ERBB4: variants seen among roughly 807,000 people sequenced by gnomAD.
The protein encoded by ERBB4 is receptor tyrosine-protein kinase erbB-4.
A neutral mutation model predicts 158.0 loss-of-function variants in ERBB4; 42 were observed. The ratio of observed to expected loss-of-function variants is 0.27; its 90% CI spans 0.21 to 0.34. ERBB4 has a LOEUF of 0.34. Ranked by LOEUF, ERBB4 falls within the 10% of genes least tolerant of loss-of-function variation. ERBB4 has a pLI of 1.00. For synonymous variants in ERBB4, 583 were observed against 558.7 expected (o/e 1.04, Z -0.61); for missense variants, 1,333 against 1,624.1 (o/e 0.82, Z 3.08).
At chr2:211,456,365 T>A (rs2064381255) in intron 20 of ERBB4, among the ~76,000 whole-genome samples, 1 of 152,152 alleles carries the variant, frequency 6.6e-6, no homozygotes, top group African/African-American at 2.4e-5. Flanking sequence ...TGGCACAGTA[T>A]CATGCAAACT....
chr2:211,782,722 A>C (rs972366659), intron 4 of ERBB4, among the ~76,000 whole-genome samples: 25 of 152,088 alleles, frequency 1.6e-4, no homozygotes, highest in Admixed American at 1.4e-3. Flanking sequence ...GTTCTGTTCC[A>C]TTGGTCTATA....
intron 20 of ERBB4, among the ~76,000 whole-genome samples, chr2:211,543,887 C>G (rs1179618969): frequency 3.3e-5 from 5 of 151,748 alleles, no homozygotes; most frequent in Admixed American, 6.6e-5. Flanking sequence ...TCTACTACCT[C>G]TATCTCAATG....
chr2:212,440,305 C>A lies in ERBB4; in HGVS notation c.82+98144G>T, dbSNP rs2092226481. 5.3e-5 allele frequency among the ~76,000 whole-genome samples: 8 copies of A among 152,128 alleles called. No homozygotes were observed. The South Asian group carries it at 1.7e-3, about 31-fold the overall frequency. The stretch of plus-strand genomic sequence containing the variant: ...CAGCTGCCAGCAAATACAAAGCAGG[C>A]AGAAAAATGTGAAAAGGAGAGACTG... On this transcript the variant is annotated intron_variant, in intron 1 of 27. Transcript: ENST00000342788.
intron 3 of ERBB4, among the ~76,000 whole-genome samples, chr2:211,885,226 A>T (rs2078766800): frequency 6.6e-6 from 1 of 152,202 alleles, no homozygotes; most frequent in Non-Finnish European, 1.5e-5. Flanking sequence ...TGACAAGTGT[A>T]TAAAAAATGA....
At chr2:212,455,834 A>G (rs1688263370) in intron 1 of ERBB4, among the ~76,000 whole-genome samples, 1 of 152,186 alleles carries the variant, frequency 6.6e-6, no homozygotes. Context: ...TGTTAAAAGT[A>G]TAACATTTAT....
At chr2:212,104,587 G>C (rs769566476) in intron 2 of ERBB4, among the ~76,000 whole-genome samples, 17 of 151,986 alleles carry the variant, frequency 1.1e-4, no homozygotes, top group Non-Finnish European at 2.4e-4. Flanking sequence ...TCATTTTACA[G>C]TAAAGAAACT....
At chr2:211,608,458 G>T (rs1360734442) in intron 19 of ERBB4, among the ~76,000 whole-genome samples, 2 of 152,120 alleles carry the variant, frequency 1.3e-5, no homozygotes. Context: ...GCTTTGCAAT[G>T]AGAACAATGA....
chr2:211,802,228 C>T (rs757367190), intron 3 of ERBB4, among the ~76,000 whole-genome samples: 2 of 150,836 alleles, frequency 1.3e-5, no homozygotes, highest in Non-Finnish European at 2.9e-5. Flanking sequence ...CGCTGCAGTA[C>T]GGCCTGGGCG....
At chr2:211,510,394 C>G (rs1184137906) in intron 20 of ERBB4, among the ~76,000 whole-genome samples, 3 of 152,004 alleles carry the variant, frequency 2.0e-5, no homozygotes, top group Non-Finnish European at 2.9e-5. Flanking sequence ...GATGGTTAAA[C>G]TAGAAGCCCA....
At chr2:212,391,162 A>C (rs1261395422) in intron 1 of ERBB4, among the ~76,000 whole-genome samples, 2 of 151,820 alleles carry the variant, frequency 1.3e-5, no homozygotes, top group Non-Finnish European at 3.0e-5. Context: ...AATAGAAAAC[A>C]GATGTCCTAA....
At chr2:211,579,764 C>G (rs149707896) in intron 19 of ERBB4, among the ~76,000 whole-genome samples, 1 of 150,780 alleles carries the variant, frequency 6.6e-6, no homozygotes, top group Non-Finnish European at 1.5e-5. Flanking sequence ...CACATAGACA[C>G]AGGGAGAGGA....
chr2:211,816,377 C>T (rs1383272833), intron 3 of ERBB4, among the ~76,000 whole-genome samples: 1 of 151,346 alleles, frequency 6.6e-6, no homozygotes, highest in Non-Finnish European at 1.5e-5. Flanking sequence ...CCCGTCTCTA[C>T]TAAAATTACA....
At chr2:211,484,978 A>C (rs2125556586) in intron 20 of ERBB4, among the ~76,000 whole-genome samples, 1 of 152,318 alleles carries the variant, frequency 6.6e-6, no homozygotes, top group East Asian at 1.9e-4. Flanking sequence ...CACATATTTA[A>C]AAATGTTGAC....
intron 4 of ERBB4, among the ~76,000 whole-genome samples, chr2:211,754,127 T>C (rs2075222889): frequency 6.6e-6 from 1 of 152,168 alleles, no homozygotes; most frequent in Non-Finnish European, 1.5e-5. Flanking sequence ...CCCAAAGTGC[T>C]GGGATTACAG....
intron 4 of ERBB4, among the ~76,000 whole-genome samples, chr2:211,767,558 T>G (rs543691295): frequency 1.7e-4 from 26 of 152,184 alleles, no homozygotes; most frequent in Non-Finnish European, 3.7e-4. Context: ...GACTGACAGT[T>G]CCATGTGGCC....
At chr2:211,845,574 G>T (rs913154991) in intron 3 of ERBB4, among the ~76,000 whole-genome samples, 2 of 152,086 alleles carry the variant, frequency 1.3e-5, no homozygotes, top group African/African-American at 4.8e-5. Flanking sequence ...ACAGGTTGCT[G>T]GGCTTGTGTG....
At chr2:211,661,366 A>G (rs2071415343) in intron 15 of ERBB4, among the ~76,000 whole-genome samples, 1 of 152,216 alleles carries the variant, frequency 6.6e-6, no homozygotes. Context: ...TCACAAATAA[A>G]TAACTGAATC....
At chr2:211,421,583 A>G (rs2125406028) in intron 24 of ERBB4, among the ~76,000 whole-genome samples, 1 of 152,034 alleles carries the variant, frequency 6.6e-6, no homozygotes, top group East Asian at 1.9e-4. Flanking sequence ...ATTTTTGGGG[A>G]AATTAAATAA....
At chr2:211,791,952 A>C (rs2076287989) in intron 3 of ERBB4, among the ~76,000 whole-genome samples, 1 of 151,722 alleles carries the variant, frequency 6.6e-6, no homozygotes, top group Non-Finnish European at 1.5e-5. Flanking sequence ...AATTTAACTT[A>C]TATATAGCAT....
Sources: gnomAD v4.1 joint callset for allele counts (sites outside exome capture counted in the v4.1 genomes callset) on GRCh38, gnomAD v4.1.1 for gene constraint, MANE v1.5 for transcripts, NCBI Gene and HGNC (gene_info 2026-07-23, HGNC 2026-07-21) for gene names.